WWOX: variants seen among roughly 807,000 people sequenced by gnomAD.
WWOX encodes WW domain containing oxidoreductase, also known as WW domain-containing oxidoreductase.
In WWOX, 69 loss-of-function variants were observed where a neutral mutation model predicts 46.2. The observed-to-expected ratio is 1.49, with a 90% CI of 1.23 to 1.82. WWOX has a LOEUF of 1.82. Ranked by LOEUF, WWOX falls within the 40% of genes most tolerant of loss-of-function variation. The pLI is 0.00. For synonymous variants in WWOX, 359 were observed against 202.6 expected, an observed-to-expected ratio of 1.77 and a Z score of -6.56; for missense variants, 919 against 542.6, an observed-to-expected ratio of 1.69 and a Z score of -6.89.
At chr16:78,992,179 T>C (rs2046900679) in intron 8 of WWOX, among the ~76,000 whole-genome samples, 1 of 152,220 alleles carries the variant, frequency 6.6e-6, no homozygotes, top group Non-Finnish European at 1.5e-5. Flanking sequence ...GCTTGGGACA[T>C]TGGGCCGTGA....
intron 4 of WWOX, among the ~76,000 whole-genome samples, chr16:78,157,122 G>A (rs1400449993): frequency 6.6e-6 from 1 of 151,400 alleles, no homozygotes; most frequent in East Asian, 1.9e-4. Context: ...AGATATTCCT[G>A]ATCATTGCTT....
intron 8 of WWOX, among the ~76,000 whole-genome samples, chr16:78,931,572 G>C (rs1040806035): frequency 6.6e-6 from 1 of 152,208 alleles, no homozygotes; most frequent in Non-Finnish European, 1.5e-5. Context: ...CATGATCCTT[G>C]ACCTTGAGAA....
chr16:78,570,486 T>C (rs2044688400), intron 8 of WWOX, among the ~76,000 whole-genome samples: 1 of 152,108 alleles, frequency 6.6e-6, no homozygotes, highest in Non-Finnish European at 1.5e-5. Context: ...TTTTTTTTAA[T>C]TTTTCTTTTA....
intron 5 of WWOX, among the ~76,000 whole-genome samples, chr16:78,200,939 G>A (rs1344184579): frequency 6.6e-6 from 1 of 152,148 alleles, no homozygotes; most frequent in African/African-American, 2.4e-5. Context: ...CAGAAGAAAA[G>A]CTTTTGATTG....
At chr16:78,678,834 T>C (rs191170019) in intron 8 of WWOX, among the ~76,000 whole-genome samples, 4 of 152,186 alleles carry the variant, frequency 2.6e-5, no homozygotes, top group Admixed American at 6.5e-5. Flanking sequence ...TCAGAGCAGC[T>C]CCATAAAGAG....
chr16:78,875,438 A>G lies in WWOX; in HGVS notation c.1057-336170A>G, dbSNP rs371545351. On this transcript the variant is annotated intron_variant, in intron 8 of 8. Coordinates refer to ENST00000566780, the MANE Select transcript of WWOX (RefSeq NM_016373.4). Reference sequence around the variant, plus strand: ...TCTCGAGTGTCTGATCTGCCTGGCTAGAATGATTAAAACAAAAAAATAGCA... The same window carrying G: ...TCTCGAGTGTCTGATCTGCCTGGCTGGAATGATTAAAACAAAAAAATAGCA... Among the ~76,000 whole-genome samples the G allele has an allele frequency of 5.9e-5, 9 of 152,338 alleles. No homozygotes were observed. The East Asian group carries it at 1.2e-3, about 20-fold the overall frequency.
intron 8 of WWOX, among the ~76,000 whole-genome samples, chr16:79,035,709 T>G (rs2047852820): frequency 6.6e-6 from 1 of 152,060 alleles, no homozygotes; most frequent in Non-Finnish European, 1.5e-5. Context: ...TGGCTAATGT[T>G]TGTATTTTTA....
chr16:78,561,196 C>A (rs899749178), intron 8 of WWOX, among the ~76,000 whole-genome samples: 1 of 152,020 alleles, frequency 6.6e-6, no homozygotes, highest in African/African-American at 2.4e-5. Flanking sequence ...GACTTTTGGC[C>A]CCCTGCATCT....
intron 8 of WWOX, chr16:78,496,189 A>G (rs1420718415): frequency 1.3e-5 from 2 of 152,040 alleles, no homozygotes; most frequent in African/African-American, 4.8e-5. Flanking sequence ...CCACCTCCCC[A>G]TCACTCCTGA....
intron 5 of WWOX, among the ~76,000 whole-genome samples, chr16:78,276,755 T>A (rs79951552): frequency 0.016 from 2,407 of 152,318 alleles, 63 homozygotes; most frequent in African/African-American, 0.056. Flanking sequence ...CACCCACACC[T>A]GGCAATTTGG....
At chr16:78,469,081 C>G (rs547647388) in intron 8 of WWOX, among the ~76,000 whole-genome samples, 1 of 152,158 alleles carries the variant, frequency 6.6e-6, no homozygotes, top group African/African-American at 2.4e-5. Context: ...TGGCCTTACT[C>G]GTTTTCAAAT....
intron 8 of WWOX, among the ~76,000 whole-genome samples, chr16:78,739,867 A>C (rs1246997323): frequency 6.6e-6 from 1 of 152,184 alleles, no homozygotes; most frequent in East Asian, 1.9e-4. Flanking sequence ...ATGGAAGAAG[A>C]AGCAGGAAAT....
Position 79,001,377 on chromosome 16 carries a change from G to T in WWOX, c.1057-210231G>T, listed in dbSNP as rs554265414. Among the ~76,000 whole-genome samples, 3 of 152,144 alleles carry T rather than the reference G, an allele frequency of 2.0e-5. No homozygotes were observed. In the East Asian group the frequency reaches 5.8e-4, roughly 29 times the overall value. On this transcript the variant is annotated intron_variant, in intron 8 of 8. Coordinates refer to ENST00000566780, the MANE Select transcript of WWOX (RefSeq NM_016373.4). ...TAAGGGATGCTGTTGAGTTTCTTCT[G>T]GTGGAGCGAAGGATTTGTAGCAAAA...
chr16:78,413,396 C>G (rs1056334747), intron 6 of WWOX, among the ~76,000 whole-genome samples: 2 of 152,112 alleles, frequency 1.3e-5, no homozygotes, highest in African/African-American at 4.8e-5. Context: ...ATGGGATTGT[C>G]ATTAGTTCTT....
intron 6 of WWOX, among the ~76,000 whole-genome samples, chr16:78,402,488 A>G (rs1261672252): frequency 6.6e-6 from 1 of 152,186 alleles, no homozygotes; most frequent in Non-Finnish European, 1.5e-5. Flanking sequence ...GGGGGGTTGC[A>G]GTAAACATGT....
intron 8 of WWOX, among the ~76,000 whole-genome samples, chr16:79,162,744 G>A (rs925610481): frequency 3.9e-5 from 6 of 152,078 alleles, no homozygotes; most frequent in African/African-American, 1.4e-4. Context: ...GAGACAAAAG[G>A]GCATCCTGCA....
intron 5 of WWOX, among the ~76,000 whole-genome samples, chr16:78,292,976 A>T (rs2079884036): frequency 6.6e-6 from 1 of 152,188 alleles, no homozygotes; most frequent in Admixed American, 6.5e-5. Flanking sequence ...CCCTTGTTGA[A>T]CAGACTCTGG....
intron 5 of WWOX, among the ~76,000 whole-genome samples, chr16:78,335,767 A>G (rs945272493): frequency 2.6e-5 from 4 of 152,162 alleles, no homozygotes; most frequent in African/African-American, 9.7e-5. Context: ...CTGGCTCTGC[A>G]GAACTGAGGT....
rs978931785 is a variant in WWOX, at chr16:78,629,919, G to A, written c.1056+197167G>A. Among the ~76,000 whole-genome samples the A allele has an allele frequency of 4.3e-4, 66 of 152,168 alleles. 1 individual carries two copies. The highest frequency in any genetic ancestry group is 1.2e-3 in the African/African-American group (51 of 41,506). On this transcript the variant is annotated intron_variant, in intron 8 of 8. Transcript: ENST00000566780. ...AGATTTTTAGAAATAGAAAATTAAC[G>A]TAGATCACAGAAAATTATCCAAACT...
Sources: gnomAD v4.1 joint callset for allele counts (sites outside exome capture counted in the v4.1 genomes callset) on GRCh38, gnomAD v4.1.1 for gene constraint, MANE v1.5 for transcripts, NCBI Gene and HGNC (gene_info 2026-07-23, HGNC 2026-07-21) for gene names.